Variants in ACTN4 observed in about 807,000 individuals in gnomAD.
ACTN4 encodes the protein actinin alpha 4.
A neutral mutation model predicts 114.2 loss-of-function variants in ACTN4; 18 were observed. That is an observed-to-expected ratio of 0.16 (90% confidence interval 0.11 to 0.23). The LOEUF (loss-of-function observed/expected upper bound fraction) is 0.23. ACTN4 is among the 10% of genes least tolerant of loss of function. The pLI is 1.00. For synonymous variants in ACTN4, 515 were observed against 506.3 expected, an observed-to-expected ratio of 1.02 and a Z score of -0.23; for missense variants, 722 against 1,262.9, an observed-to-expected ratio of 0.57 and a Z score of 6.49.
rs981672604 is a variant in ACTN4, at chr19:38,727,267, G to A, written c.2337+164G>A. On this transcript the variant is annotated intron_variant, in intron 18 of 20. Transcript: ENST00000252699. The surrounding 1 kb of genome is among the most constrained non-coding windows in gnomAD (Gnocchi z 5.4). ...TGCCACTGTCAGGGTGTAGGTGTGC[G>A]GCACCAAGACCCCAGCCTGGGCCAC... 2.6e-5 allele frequency among the ~76,000 whole-genome samples: 4 copies of A among 152,250 alleles called. No individual in the cohort carries two copies. The highest frequency in any genetic ancestry group is 9.6e-5 in the African/African-American group (4 of 41,550).
chr19:38,681,683 C>T (rs980818081), intron 1 of ACTN4, among the ~76,000 whole-genome samples: 1 of 152,168 alleles, frequency 6.6e-6, no homozygotes, highest in African/African-American at 2.4e-5. Context: ...CGCCAGTGTC[C>T]CTCTCTGACC....
At chr19:38,675,982 G>A (rs1250349974) in intron 1 of ACTN4, among the ~76,000 whole-genome samples, 1 of 152,168 alleles carries the variant, frequency 6.6e-6, no homozygotes, top group African/African-American at 2.4e-5. Flanking sequence ...GCTACTTACT[G>A]TGGGACCTTG....
Position 38,727,840 on chromosome 19 carries a change from C to T in ACTN4, c.2338-106C>T, listed in dbSNP as rs1251714405. 9.4e-7 allele frequency: 1 copy of T among 1,062,992 alleles called. No individual in the cohort carries two copies. 65.8% of individuals were successfully genotyped at this position (1,062,992 alleles called of 1,614,324 possible). ...ATGTTGCCTCTAACTCTGTGTTTCC[C>T]TCCCCTACGTGTCCCTTCCCCCTGC... On this transcript the variant is annotated intron_variant, in intron 18 of 20. Transcript: ENST00000252699. The surrounding 1 kb of genome is among the most constrained non-coding windows in gnomAD (Gnocchi z 5.4).
At chr19:38,719,942 G>A (rs1179463043) in intron 11 of ACTN4, among the ~76,000 whole-genome samples, 9 of 152,208 alleles carry the variant, frequency 5.9e-5, no homozygotes, top group African/African-American at 1.2e-4. Context: ...CTGGTTCAGC[G>A]GCCTCCACAC....
Position 38,647,671 on chromosome 19 carries a change from C to A in ACTN4, c.-75C>A. 6.1e-6 allele frequency: 9 copies of A among 1,475,318 alleles called. No homozygotes were observed. Among genetic ancestry groups the A allele is most frequent in the African/African-American group, 1.5e-5 (1 of 67,960 alleles). 91.4% of individuals were successfully genotyped at this position (1,475,318 alleles called of 1,614,324 possible). On this transcript the variant is annotated 5_prime_UTR_variant, in exon 1 of 21. Transcript: ENST00000252699. ...GCTGAAGCAGCTGAAGCGGCGGTAG[C>A]GGCGGCGGCTCGGGCAGAGGGGCGG... is the stretch of plus-strand genomic sequence containing the variant.
intron 1 of ACTN4, among the ~76,000 whole-genome samples, chr19:38,664,751 G>A (rs1966904558): frequency 6.6e-6 from 1 of 152,148 alleles, no homozygotes; most frequent in South Asian, 2.1e-4. Flanking sequence ...AAGACTTCCG[G>A]GGAGGCCCTG....
intron 6 of ACTN4, among the ~76,000 whole-genome samples, chr19:38,709,069 A>C (rs1337592899): frequency 6.6e-6 from 1 of 152,178 alleles, no homozygotes; most frequent in Non-Finnish European, 1.5e-5. Context: ...CTTCCAGTCA[A>C]TGTGAAAACC....
At chr19:38,709,635 G>A (rs1318954743) in intron 7 of ACTN4, among the ~76,000 whole-genome samples, 159 bp downstream of exon 7, 1 of 152,222 alleles carries the variant, frequency 6.6e-6, no homozygotes, top group African/African-American at 2.4e-5. Flanking sequence ...TGGGTGAACT[G>A]GGGACAGCCA....
intron 11 of ACTN4, 130 bp from the exon 12 acceptor site, chr19:38,721,408 C>A: frequency 2.6e-6 from 3 of 1,132,656 alleles, no homozygotes; most frequent in African/African-American, 1.5e-5. Flanking sequence ...AGTTTCCATG[C>A]CACTGTCATT....
At position 38,724,662 on chromosome 19, in the gene ACTN4, G is replaced by C; in HGVS notation, c.2010+97G>C. The C allele has an allele frequency of 6.3e-7, 1 of 1,578,644 alleles. No individual in the cohort carries two copies. Among genetic ancestry groups the C allele is most frequent in the Non-Finnish European group, 8.6e-7 (1 of 1,160,608 alleles). ...CAGCCCAGGGCCTGCAGACTGAGGCGCCTGGCAGAGCAGGTCCCAATTCTC... is the reference window on the plus strand; with the variant it reads ...CAGCCCAGGGCCTGCAGACTGAGGCCCCTGGCAGAGCAGGTCCCAATTCTC... On this transcript the variant is annotated intron_variant, in intron 16 of 20. Transcript: ENST00000252699. This position sits in a 1 kb window ranked among gnomAD's most constrained non-coding sequence, Gnocchi z 7.0.
chr19:38,721,564 G>C lies in ACTN4; in HGVS notation c.1318G>C (p.Asp440His), dbSNP rs1969042592. 15 of 1,614,016 alleles carry C rather than the reference G, an allele frequency of 9.3e-6. No individual in the cohort carries two copies. The highest frequency in any genetic ancestry group is 1.1e-5 in the Non-Finnish European group (13 of 1,180,026). ...DGKEAMLKHR[D>H]YETATLSDIK... ...GAAGGAAGCCATGCTGAAGCACCGG[G>C]ACTACGAGACGGCCACACTATCGGA... The change falls in exon 12 of 21, where the codon GAC (aspartate) becomes CAC (histidine). Residue 440 changes from aspartate (D) to histidine (H), a missense_variant. Coordinates refer to ENST00000252699, the MANE Select transcript of ACTN4 (RefSeq NM_004924.6).
chr19:38,697,822 A>G (rs1968142945), intron 1 of ACTN4, among the ~76,000 whole-genome samples: 1 of 152,188 alleles, frequency 6.6e-6, no homozygotes, highest in Non-Finnish European at 1.5e-5. Flanking sequence ...GGCACATGTG[A>G]GAGTAGAGGC....
rs541743616 is a variant in ACTN4, at chr19:38,730,263, T to G, written c.*831T>G. On this transcript the variant is annotated 3_prime_UTR_variant, in exon 21 of 21. Coordinates refer to ENST00000252699, the MANE Select transcript of ACTN4 (RefSeq NM_004924.6). ...ATATATTCACCTAGCAACATATCTC[T>G]GCCGTCTCTCCTGCTCTCATAATGA... The G allele has an allele frequency of 6.3e-6, 1 of 158,828 alleles. No individual in the cohort carries two copies. Among genetic ancestry groups the G allele is most frequent in the Admixed American group, 6.0e-5 (1 of 16,610 alleles). The allele number at this position is 158,828 out of a possible 1,614,324, so 9.8% of individuals were successfully genotyped here. A position where few individuals can be genotyped will look rare whatever the true frequency, so the allele number is the denominator to read the frequency against.
At position 38,717,909 on chromosome 19, in the gene ACTN4, G is replaced by T; in HGVS notation, c.1144-18G>T. The T allele has an allele frequency of 6.3e-7, 1 of 1,578,678 alleles. No homozygotes were observed. Among genetic ancestry groups the T allele is most frequent in the South Asian group, 1.2e-5 (1 of 86,390 alleles). On this transcript the variant is annotated intron_variant, in intron 10 of 20. Transcript: ENST00000252699. The surrounding 1 kb of genome is among the most constrained non-coding windows in gnomAD (Gnocchi z 4.0). Reference sequence around the variant, plus strand: ...CCACTTCCTTGTGATAGCCCTGCCTGCTCCTGCCCTGCCCCAGGACATCAA... The same window carrying T: ...CCACTTCCTTGTGATAGCCCTGCCTTCTCCTGCCCTGCCCCAGGACATCAA...
chr19:38,673,577 T>A (rs1330443054), intron 1 of ACTN4, among the ~76,000 whole-genome samples: 1 of 49,822 alleles, frequency 2.0e-5, no homozygotes, highest in South Asian at 5.1e-4. Flanking sequence ...TTATATATAT[T>A]CATATATATT....
Position 38,731,318 on chromosome 19 carries a change from A to C in ACTN4, c.*1886A>C, listed in dbSNP as rs973454204. The C allele has an allele frequency of 1.1e-6, 1 of 896,446 alleles. No individual in the cohort carries two copies. Among genetic ancestry groups the C allele is most frequent in the African/African-American group, 1.6e-5 (1 of 61,414 alleles). 55.5% of individuals were successfully genotyped at this position (896,446 alleles called of 1,614,324 possible). A position where few individuals can be genotyped will look rare whatever the true frequency, so the allele number is the denominator to read the frequency against. The stretch of plus-strand genomic sequence containing the variant: ...CCTCCTCAGGGAGGACATGAATGCC[A>C]CAGGGTGTCACACCCCAACTCTGCC... On this transcript the variant is annotated 3_prime_UTR_variant, in exon 21 of 21. Transcript: ENST00000252699.
intron 1 of ACTN4, among the ~76,000 whole-genome samples, chr19:38,669,310 T>C (rs1385027247): frequency 3.3e-5 from 5 of 152,068 alleles, no homozygotes; most frequent in Non-Finnish European, 7.4e-5. Context: ...TCTTAGTTCC[T>C]GGCTTGGGGC....
In ACTN4 at chr19:38,724,606, A is replaced by G. The variant is rs1162402079; in HGVS notation, c.2010+41A>G. Reference sequence around the variant, plus strand: ...GCCCCACAGAGCTGAGAAGGTTCCAAGAGAGCTCCCGTAGTGAGGGGGTCC... The same window carrying G: ...GCCCCACAGAGCTGAGAAGGTTCCAGGAGAGCTCCCGTAGTGAGGGGGTCC... On this transcript the variant is annotated intron_variant, in intron 16 of 20. Coordinates refer to ENST00000252699, the MANE Select transcript of ACTN4 (RefSeq NM_004924.6). This position sits in a 1 kb window ranked among gnomAD's most constrained non-coding sequence, Gnocchi z 7.0. 6.2e-7 allele frequency: 1 copy of G among 1,611,922 alleles called. No individual in the cohort carries two copies. Among genetic ancestry groups the G allele is most frequent in the Non-Finnish European group, 8.5e-7 (1 of 1,179,830 alleles).
chr19:38,680,778 T>C lies in ACTN4; in HGVS notation c.163-19822T>C, dbSNP rs1274905101. ...CTCTTAGAACCCTCACCTTCCTCCTTCTCTTTATTCCTACCATTGTCCTTA... is the reference window on the plus strand; with the variant it reads ...CTCTTAGAACCCTCACCTTCCTCCTCCTCTTTATTCCTACCATTGTCCTTA... On this transcript the variant is annotated intron_variant, in intron 1 of 20. Coordinates refer to ENST00000252699, the MANE Select transcript of ACTN4 (RefSeq NM_004924.6). 3.3e-5 allele frequency among the ~76,000 whole-genome samples: 5 copies of C among 152,178 alleles called. No homozygotes were observed. In the East Asian group the frequency reaches 7.7e-4, roughly 24 times the overall value.
Sources: allele counts gnomAD v4.1 joint callset (sites outside exome capture counted in the v4.1 genomes callset), GRCh38; gene constraint gnomAD v4.1.1; non-coding constraint Gnocchi (gnomAD v3.1); transcripts MANE v1.5; gene names NCBI Gene and HGNC (gene_info 2026-07-23, HGNC 2026-07-21).